Variants in PIEZO2 observed in about 807,000 individuals in gnomAD.
PIEZO2 encodes the protein piezo-type mechanosensitive ion channel component 2.
In PIEZO2, 172 loss-of-function variants were observed where a neutral mutation model predicts 337.3. The observed-to-expected ratio is 0.51, with a 90% CI of 0.45 to 0.58. The LOEUF (loss-of-function observed/expected upper bound fraction) is 0.58, where lower values mean the gene tolerates loss of function less well. PIEZO2 is among the 20% of genes least tolerant of loss of function. PIEZO2 has a pLI of 0.00. For synonymous variants in PIEZO2, 1,251 were observed against 1,228.5 expected (o/e 1.02, Z -0.38); for missense variants, 3,028 against 3,391.3 (o/e 0.89, Z 2.66).
At chr18:10,964,244 T>A (rs530963985) in intron 3 of PIEZO2, among the ~76,000 whole-genome samples, 1 of 152,164 alleles carries the variant, frequency 6.6e-6, no homozygotes, top group South Asian at 2.1e-4. Flanking sequence ...ATTATAAACA[T>A]GAGCAAAAAA....
chr18:10,736,478 G>GT lies in PIEZO2; in HGVS notation c.4815+125dup, dbSNP rs35790059. ...TAATTAGAAATAAAGAATTGCAGATGTAAATCAGAAGCTTCGGGGAGCTAT... is the reference window on the plus strand; with the variant it reads ...TAATTAGAAATAAAGAATTGCAGATGTTAAATCAGAAGCTTCGGGGAGCTAT... On this transcript the variant is annotated intron_variant, in intron 34 of 55. Transcript: ENST00000674853. 0.26 allele frequency: 340,499 copies of GT among 1,315,872 alleles called. 45,590 individuals carry two copies. The highest frequency in any genetic ancestry group is 0.27 in the Non-Finnish European group (270,654 of 987,786). 81.5% of individuals were successfully genotyped at this position (1,315,872 alleles called of 1,614,324 possible).
chr18:10,736,616 C>T lies in PIEZO2; in HGVS notation c.4803G>A (p.Arg1601=). 1 of 1,537,170 alleles carries T rather than the reference C, an allele frequency of 6.5e-7. No individual in the cohort carries two copies. The highest frequency in any genetic ancestry group is 1.2e-5 in the South Asian group (1 of 84,050). The change falls in exon 34 of 56, where the codon AGG becomes AGA. Residue 1601 remains arginine, a synonymous_variant. Coordinates refer to ENST00000674853, the MANE Select transcript of PIEZO2 (RefSeq NM_001378183.1). ...TCCCCATAATTACCTGGAATGCTGA[C>T]CTTCGTGGAGGTTCTTCATCTTCCT... ...LKKEDEEPPR[R]SAFQRAIGKF...
intron 2 of PIEZO2, among the ~76,000 whole-genome samples, chr18:11,024,748 C>G (rs1197659938): frequency 2.6e-5 from 4 of 151,686 alleles, no homozygotes; most frequent in Non-Finnish European, 5.9e-5. Flanking sequence ...TCAAGTGATT[C>G]TCGTCTCAGC....
At position 10,833,245 on chromosome 18, in the gene PIEZO2, G is replaced by A. The variant is rs139719588; in HGVS notation, c.917+22108C>T. Among the ~76,000 whole-genome samples the A allele has an allele frequency of 0.01, 1,567 of 152,204 alleles. 33 individuals are homozygous for A. The highest frequency in any genetic ancestry group is 0.036 in the African/African-American group (1,476 of 41,522). ...CAGAGACAGAAGCCCAGGGTAACAG[G>A]TACCCTGGGTGCGTCAGTGGCAGCA... On this transcript the variant is annotated intron_variant, in intron 7 of 55. Transcript: ENST00000674853. The surrounding 1 kb of genome is among the most constrained non-coding windows in gnomAD (Gnocchi z 4.7).
At position 11,116,969 on chromosome 18, in the gene PIEZO2, C is replaced by A. The variant is rs773602508; in HGVS notation, c.64+31556G>T. Among the ~76,000 whole-genome samples, 37 of 151,752 alleles carry A rather than the reference C, an allele frequency of 2.4e-4. No homozygotes were observed. Among genetic ancestry groups the A allele is most frequent in the Non-Finnish European group, 8.8e-5 (6 of 67,958 alleles). Reference sequence around the variant, plus strand: ...ACTAAAAATATAAAAATTAGCCTGGCTTGGTGGCACGTGCCTGTAGTGCCA... The same window carrying A: ...ACTAAAAATATAAAAATTAGCCTGGATTGGTGGCACGTGCCTGTAGTGCCA... On this transcript the variant is annotated intron_variant, in intron 1 of 55. Transcript: ENST00000674853. The surrounding 1 kb of genome is among the most constrained non-coding windows in gnomAD (Gnocchi z 5.0).
intron 1 of PIEZO2, among the ~76,000 whole-genome samples, chr18:11,098,870 T>C (rs1014440037): frequency 1.3e-5 from 2 of 152,078 alleles, no homozygotes; most frequent in African/African-American, 4.8e-5. Flanking sequence ...CGATCACAGC[T>C]TACTGCAGCC....
At chr18:10,935,894 G>A (rs1284810624) in intron 3 of PIEZO2, among the ~76,000 whole-genome samples, 2 of 152,146 alleles carry the variant, frequency 1.3e-5, no homozygotes, top group Non-Finnish European at 2.9e-5. Flanking sequence ...TACTTGGAAG[G>A]ACATTCCAAA....
At chr18:10,711,669 C>T (rs2035825434) in intron 39 of PIEZO2, among the ~76,000 whole-genome samples, 1 of 152,052 alleles carries the variant, frequency 6.6e-6, no homozygotes, top group Admixed American at 6.5e-5. Flanking sequence ...TAAAAAAAGG[C>T]ATTTGAAAAA....
rs2143841898 is a variant in PIEZO2, at chr18:10,759,445, T to C, written c.3757+37A>G. On this transcript the variant is annotated intron_variant, in intron 26 of 55. Coordinates refer to ENST00000674853, the MANE Select transcript of PIEZO2 (RefSeq NM_001378183.1). The surrounding 1 kb of genome is among the most constrained non-coding windows in gnomAD (Gnocchi z 5.5). ...AACAATGATTAACAGTAAACCCGGATACCAGCACTCTGTGGCCCTGCAGTG... is the reference window on the plus strand; with the variant it reads ...AACAATGATTAACAGTAAACCCGGACACCAGCACTCTGTGGCCCTGCAGTG... 6.7e-7 allele frequency: 1 copy of C among 1,489,684 alleles called. No homozygotes were observed. The highest frequency in any genetic ancestry group is 2.0e-5 in the Admixed American group (1 of 50,890). The allele number at this position is 1,489,684 out of a possible 1,614,324, so 92.3% of individuals were successfully genotyped here.
In PIEZO2 at chr18:10,882,403, A is replaced by G. The variant is rs1279206106; in HGVS notation, c.330-10988T>C. On this transcript the variant is annotated intron_variant, in intron 4 of 55. Transcript: ENST00000674853. ...ACTTCTGCCTTCCTTTCTAGTTTCA[A>G]ATCTTTTAATCTCAACTAGTAATAT... Among the ~76,000 whole-genome samples, 4 of 152,192 alleles carry G rather than the reference A, an allele frequency of 2.6e-5. No individual in the cohort carries two copies. The East Asian group carries it at 7.7e-4, about 29-fold the overall frequency.
At chr18:10,986,662 G>A (rs1236243119) in intron 2 of PIEZO2, among the ~76,000 whole-genome samples, 1 of 151,834 alleles carries the variant, frequency 6.6e-6, no homozygotes, top group African/African-American at 2.4e-5. Context: ...CTAACATCAG[G>A]AACAGTAGCA....
In PIEZO2 at chr18:11,146,551, GC is replaced by G. The variant is rs2040816913; in HGVS notation, c.64+1973del. Among the ~76,000 whole-genome samples, 1 of 152,202 alleles carries G rather than the reference GC, an allele frequency of 6.6e-6. No homozygotes were observed. Among genetic ancestry groups the G allele is most frequent in the Non-Finnish European group, 1.5e-5 (1 of 68,036 alleles). ...CCCCTTGGGAGGGCAGAGTACTACA[GC>G]CCTACTGAAGGAGTTTTTAGCATAG... On this transcript the variant is annotated intron_variant, in intron 1 of 55. Transcript: ENST00000674853. This position sits in a 1 kb window ranked among gnomAD's most constrained non-coding sequence, Gnocchi z 6.1.
intron 2 of PIEZO2, among the ~76,000 whole-genome samples, chr18:11,023,916 C>G (rs552696100): frequency 6.6e-6 from 1 of 152,188 alleles, no homozygotes; most frequent in African/African-American, 2.4e-5. Context: ...TGCCCGGGGC[C>G]GGCAGGACTG....
Position 10,727,177 on chromosome 18 carries a change from C to G in PIEZO2, c.5029+4230G>C, listed in dbSNP as rs2036576533. On this transcript the variant is annotated intron_variant, in intron 36 of 55. Coordinates refer to ENST00000674853, the MANE Select transcript of PIEZO2 (RefSeq NM_001378183.1). The surrounding 1 kb of genome is among the most constrained non-coding windows in gnomAD (Gnocchi z 6.3). ...GGCAAACTGAGTCGCCCTCCTGCCT[C>G]CAGCTCTGTGTTGAGCAGAGGGAAG... 2 of 392,212 alleles carry G rather than the reference C, an allele frequency of 5.1e-6. No homozygotes were observed. The highest frequency in any genetic ancestry group is 9.0e-6 in the Non-Finnish European group (2 of 222,762). The allele number at this position is 392,212 out of a possible 1,614,324, so 24.3% of individuals were successfully genotyped here. A position where few individuals can be genotyped will look rare whatever the true frequency, so the allele number is the denominator to read the frequency against.
intron 40 of PIEZO2, 121 bp from the exon 41 acceptor site, chr18:10,705,867 A>G: frequency 1.7e-6 from 2 of 1,210,492 alleles, no homozygotes; most frequent in South Asian, 1.6e-5. Flanking sequence ...TCCCCCCTGC[A>G]TTCCATCTGC....
chr18:10,726,589 G>A lies in PIEZO2; in HGVS notation c.5029+4818C>T. ...TCTGTCCTTCCGCCAGCTCTTCCAG[G>A]ACCTGGCGCGCTACGTGCGGGACGC... On this transcript the variant is annotated intron_variant, in intron 36 of 55. Coordinates refer to ENST00000674853, the MANE Select transcript of PIEZO2 (RefSeq NM_001378183.1). The surrounding 1 kb of genome is among the most constrained non-coding windows in gnomAD (Gnocchi z 5.9). The A allele has an allele frequency of 2.1e-6, 3 of 1,411,206 alleles. No homozygotes were observed. The highest frequency in any genetic ancestry group is 2.9e-5 in the African/African-American group (2 of 69,056). The allele number at this position is 1,411,206 out of a possible 1,614,324, so 87.4% of individuals were successfully genotyped here. A position where few individuals can be genotyped will look rare whatever the true frequency, so the allele number is the denominator to read the frequency against.
At chr18:10,968,263 C>A (rs1393372957) in intron 3 of PIEZO2, among the ~76,000 whole-genome samples, 1 of 152,066 alleles carries the variant, frequency 6.6e-6, no homozygotes, top group Non-Finnish European at 1.5e-5. Flanking sequence ...AGCTGTTAAG[C>A]GTTTGGCTTT....
At position 10,682,131 on chromosome 18, in the gene PIEZO2, G is replaced by A. The variant is rs1336043696; in HGVS notation, c.7659C>T (p.Ser2553=). The change falls in exon 50 of 56, where the codon TCC becomes TCT. Residue 2553 remains serine (S), a synonymous_variant. Coordinates refer to ENST00000674853, the MANE Select transcript of PIEZO2 (RefSeq NM_001378183.1). This position sits in a 1 kb window ranked among gnomAD's most constrained non-coding sequence, Gnocchi z 5.6. Reference sequence around the variant, plus strand: ...GATACCCTCCCAGGGTAATTGTGACGGAGACGTCCAGGGGCTGGTTGATGA... The same window carrying A: ...GATACCCTCCCAGGGTAATTGTGACAGAGACGTCCAGGGGCTGGTTGATGA... ...AGVINQPLDV[S]VTITLGGYQP... The A allele has an allele frequency of 1.6e-5, 25 of 1,537,004 alleles. No homozygotes were observed. The highest frequency in any genetic ancestry group is 1.3e-4 in the South Asian group (11 of 84,022).
intron 1 of PIEZO2, among the ~76,000 whole-genome samples, chr18:11,137,954 T>C (rs907872564): frequency 3.5e-4 from 53 of 152,360 alleles, no homozygotes; most frequent in African/African-American, 1.1e-3. Flanking sequence ...TTTCCTTCTC[T>C]GTTCCCTGCA....
Sources: allele counts gnomAD v4.1 joint callset (sites outside exome capture counted in the v4.1 genomes callset), GRCh38; gene constraint gnomAD v4.1.1; non-coding constraint Gnocchi (gnomAD v3.1); transcripts MANE v1.5; gene names NCBI Gene and HGNC (gene_info 2026-07-23, HGNC 2026-07-21).